Variants in NFKB1 observed in about 807,000 individuals in gnomAD.
NFKB1 encodes nuclear factor NF-kappa-B p105 subunit.
A neutral mutation model predicts 105.1 loss-of-function variants in NFKB1; 9 were observed. The observed-to-expected ratio is 0.09, with a 90% CI of 0.05 to 0.15. The LOEUF is 0.15. NFKB1 is among the 10% of genes least tolerant of loss of function. The pLI is 1.00. For synonymous variants in NFKB1, 440 were observed against 442.2 expected (o/e 1.00, Z 0.06); for missense variants, 830 against 1,203.7 (o/e 0.69, Z 4.59).
Position 102,607,749 on chromosome 4 carries a change from C to T in NFKB1, c.2225C>T (p.Ala742Val). The change falls in exon 19 of 24, where the codon GCA (alanine) becomes GTA (valine). Residue 742 changes from alanine (A) to valine (V), a missense_variant and splice_region_variant. By Grantham distance (64) the Ala-to-Val change is moderately conservative. Coordinates refer to ENST00000226574, the MANE Select transcript of NFKB1 (RefSeq NM_003998.4). ...STRLAALLKA[A>V]GADPLVENFE... ...AGGCTGGCAGCTCTTCTCAAAGCAG[C>T]AGGTAAGATGGTGATCTGGCGGTCA... is the stretch of plus-strand genomic sequence containing the variant. The T allele has an allele frequency of 6.2e-7, 1 of 1,613,770 alleles. No individual in the cohort carries two copies. The highest frequency in any genetic ancestry group is 8.5e-7 in the Non-Finnish European group (1 of 1,179,674).
At chr4:102,579,263 A>T (rs970262731) in intron 8 of NFKB1, among the ~76,000 whole-genome samples, 3 of 152,088 alleles carry the variant, frequency 2.0e-5, no homozygotes, top group African/African-American at 4.8e-5. Flanking sequence ...TTTTCCTTTG[A>T]TGTACATTTT....
At chr4:102,563,882 C>T (rs1723637550) in intron 5 of NFKB1, among the ~76,000 whole-genome samples, 1 of 138,736 alleles carries the variant, frequency 7.2e-6, no homozygotes, top group Non-Finnish European at 1.5e-5. Flanking sequence ...GGGGCAGTGT[C>T]TTGATCTTGG....
At chr4:102,578,838 C>T (rs374279837) in intron 7 of NFKB1, 43 bp from the exon 8 acceptor site, 92 of 1,576,112 alleles carry the variant, frequency 5.8e-5, no homozygotes, top group Non-Finnish European at 7.5e-5. Flanking sequence ...TTTAAATGTT[C>T]ACACTTCCCT....
chr4:102,534,748 C>T (rs980370104), intron 4 of NFKB1, among the ~76,000 whole-genome samples: 8 of 152,160 alleles, frequency 5.3e-5, no homozygotes, highest in Non-Finnish European at 5.9e-5. Flanking sequence ...CCTCTTGCAG[C>T]TGTATTACCC....
At chr4:102,591,601 T>TA (rs1360961102) in intron 11 of NFKB1, among the ~76,000 whole-genome samples, 1 of 152,108 alleles carries the variant, frequency 6.6e-6, no homozygotes, top group Admixed American at 6.5e-5. Context: ...CACATCTGTC[T>TA]ACAGCATGGT....
rs1021260598 is a variant in NFKB1 at position 102,608,511 on chromosome 4, C to T, written c.2227+760C>T. 2.0e-5 allele frequency among the ~76,000 whole-genome samples: 3 copies of T among 152,170 alleles called. No homozygotes were observed. The South Asian group carries it at 6.2e-4, about 31-fold the overall frequency. Reference sequence around the variant, plus strand: ...GCTCATAGGTTTGCAGATGTTATTCCATTTAATTCTCTAGTCCTGTGAAGT... The same window carrying T: ...GCTCATAGGTTTGCAGATGTTATTCTATTTAATTCTCTAGTCCTGTGAAGT... On this transcript the variant is annotated intron_variant, in intron 19 of 23. Transcript: ENST00000226574.
intron 3 of NFKB1, among the ~76,000 whole-genome samples, chr4:102,531,040 A>AT (rs1741258091): frequency 6.6e-6 from 1 of 152,118 alleles, no homozygotes; most frequent in East Asian, 1.9e-4. Context: ...GAACTTTTTA[A>AT]TTCTGGAGTT....
Position 102,584,807 on chromosome 4 carries a change from T to C in NFKB1, c.1053T>C (p.Tyr351=). ...GTGAACCAAAACCTTTCCTCTACTATCCTGAAATCAAAGGTAAGTCAGTTG... is the reference window on the plus strand; with the variant it reads ...GTGAACCAAAACCTTTCCTCTACTACCCTGAAATCAAAGGTAAGTCAGTTG... ...ETSEPKPFLY[Y]PEIKDKEEVQ... Residue 351 remains tyrosine (Y), a synonymous_variant, in exon 11 of 24, where the codon TAT becomes TAC. Transcript: ENST00000226574. The C allele has an allele frequency of 6.2e-7, 1 of 1,604,970 alleles. No individual in the cohort carries two copies. The highest frequency in any genetic ancestry group is 8.5e-7 in the Non-Finnish European group (1 of 1,176,974).
At chr4:102,607,617 A>G (rs963976369) in intron 18 of NFKB1, 32 bp from the exon 19 acceptor site, 1 of 1,606,416 alleles carries the variant, frequency 6.2e-7, no homozygotes, top group Non-Finnish European at 8.5e-7. Flanking sequence ...AGAACCTTCC[A>G]CTAACGCTTT....
chr4:102,551,026 A>G (rs991003640), intron 5 of NFKB1, among the ~76,000 whole-genome samples: 1 of 152,224 alleles, frequency 6.6e-6, no homozygotes, highest in African/African-American at 2.4e-5. Context: ...AAAGGGATCA[A>G]TCAGAGCCTT....
chr4:102,561,651 T>G (rs765517697), intron 5 of NFKB1, among the ~76,000 whole-genome samples: 1 of 152,112 alleles, frequency 6.6e-6, no homozygotes, highest in Non-Finnish European at 1.5e-5. Context: ...GCCTGATCGC[T>G]CCATTTATAG....
At chr4:102,564,780 A>G (rs902989548) in intron 5 of NFKB1, among the ~76,000 whole-genome samples, 1 of 152,214 alleles carries the variant, frequency 6.6e-6, no homozygotes, top group Non-Finnish European at 1.5e-5. Context: ...CTGGTGTCCT[A>G]TTAAATTGGA....
intron 23 of NFKB1, 40 bp downstream of exon 23, chr4:102,613,621 C>A: frequency 1.3e-6 from 2 of 1,587,908 alleles, no homozygotes. Flanking sequence ...TATTTTCCAG[C>A]TCCCCCAGGC....
At chr4:102,505,477 A>G (rs1739361605) in intron 1 of NFKB1, among the ~76,000 whole-genome samples, 2 of 152,204 alleles carry the variant, frequency 1.3e-5, no homozygotes, top group Non-Finnish European at 1.5e-5. Flanking sequence ...TAGAATAATG[A>G]TATATTTGGT....
intron 9 of NFKB1, among the ~76,000 whole-genome samples, chr4:102,581,125 G>A (rs927122864): frequency 2.0e-5 from 3 of 152,202 alleles, no homozygotes; most frequent in South Asian, 4.1e-4. Context: ...AGGGAATACA[G>A]GGAAATTCTC....
chr4:102,536,443 G>T (rs1560651292), intron 4 of NFKB1, among the ~76,000 whole-genome samples: 1 of 152,230 alleles, frequency 6.6e-6, no homozygotes, highest in South Asian at 2.1e-4. Flanking sequence ...TACTTATCTG[G>T]TAAATGTGTT....
intron 10 of NFKB1, among the ~76,000 whole-genome samples, chr4:102,583,996 A>G (rs1294293570): frequency 6.6e-6 from 1 of 152,184 alleles, no homozygotes; most frequent in Non-Finnish European, 1.5e-5. Context: ...AAATGATTCT[A>G]TGTTCATGCA....
chr4:102,514,380 A>G (rs1210291706), intron 1 of NFKB1, among the ~76,000 whole-genome samples: 1 of 152,128 alleles, frequency 6.6e-6, no homozygotes, highest in Admixed American at 6.5e-5. Flanking sequence ...AGAGCCTGTA[A>G]GAAGTGATGG....
chr4:102,606,818 T>A, intron 17 of NFKB1, 121 bp downstream of exon 17: 2 of 1,056,176 alleles, frequency 1.9e-6, no homozygotes, highest in Non-Finnish European at 1.4e-6. Flanking sequence ...TCACCTGGAG[T>A]TCATCATCTC....
Sources: gnomAD v4.1 joint callset for allele counts (sites outside exome capture counted in the v4.1 genomes callset) on GRCh38, gnomAD v4.1.1 for gene constraint, MANE v1.5 for transcripts, NCBI Gene and HGNC (gene_info 2026-07-23, HGNC 2026-07-21) for gene names.